Variants in ADGRD1 observed in about 807,000 individuals in gnomAD.
ADGRD1 encodes G-protein coupled receptor 133.
In ADGRD1, 77 loss-of-function variants were observed where a neutral mutation model predicts 113.4. The ratio of observed to expected loss-of-function variants is 0.68; its 90% CI spans 0.57 to 0.82. The LOEUF is 0.82. Ranked by LOEUF, ADGRD1 falls within the 40% of genes least tolerant of loss-of-function variation. ADGRD1 has a pLI of 0.00. For synonymous variants in ADGRD1, 474 were observed against 475.0 expected (o/e 1.00, Z 0.03); for missense variants, 1,036 against 1,139.1 (o/e 0.91, Z 1.30).
intron 12 of ADGRD1, among the ~76,000 whole-genome samples, chr12:131,010,620 G>A (rs1303572336): frequency 2.0e-5 from 3 of 152,238 alleles, no homozygotes; most frequent in African/African-American, 7.2e-5. Flanking sequence ...CGGAGCAGCA[G>A]CGTGGCTTTG....
intron 8 of ADGRD1, among the ~76,000 whole-genome samples, chr12:130,996,700 C>T (rs1167320074): frequency 1.1e-5 from 1 of 89,754 alleles, no homozygotes. Context: ...GCTGGCCGGG[C>T]GGGGGGCTGA....
intron 13 of ADGRD1, among the ~76,000 whole-genome samples, chr12:131,031,242 G>A (rs545961837): frequency 7.2e-5 from 11 of 152,174 alleles, no homozygotes; most frequent in African/African-American, 1.7e-4. Context: ...CTCTGACAGC[G>A]GAGCCCACTC....
chr12:131,097,752 C>G (rs1887392845), intron 15 of ADGRD1, among the ~76,000 whole-genome samples: 1 of 152,200 alleles, frequency 6.6e-6, no homozygotes. Context: ...CAGGAGCCAG[C>G]CTGGCCGGGA....
chr12:131,128,338 C>A (rs67424059), intron 20 of ADGRD1, among the ~76,000 whole-genome samples: 5 of 151,690 alleles, frequency 3.3e-5, no homozygotes, highest in Non-Finnish European at 7.4e-5. Context: ...TCAAGTTGCT[C>A]GAGATCCTCT....
In ADGRD1 at chr12:130,990,946, G is replaced by A. The variant is rs1397318809; in HGVS notation, c.746-68G>A. ...CTGAAGCCAGTACATTTTTAACAAG[G>A]ACAGGTCTTCCTCGTGGTGAAAAAA... is the stretch of plus-strand genomic sequence containing the variant. On this transcript the variant is annotated intron_variant, in intron 6 of 24. Transcript: ENST00000261654. 3 of 1,225,562 alleles carry A rather than the reference G, an allele frequency of 2.4e-6. No individual in the cohort carries two copies. In the East Asian group the frequency reaches 7.0e-5, roughly 29 times the overall value. 75.9% of individuals were successfully genotyped at this position (1,225,562 alleles called of 1,614,324 possible).
At chr12:130,994,317 C>T (rs1316256333) in intron 8 of ADGRD1, 2 of 428,210 alleles carry the variant, frequency 4.7e-6, no homozygotes, top group South Asian at 1.7e-5. Flanking sequence ...AGATGGGCTA[C>T]AAGGGGTGAC....
rs529776803 is a variant in ADGRD1 at position 130,971,354 on chromosome 12, TAATGC to T, written c.188-102_188-98del. The T allele has an allele frequency of 4.0e-5, 26 of 650,832 alleles. No individual in the cohort carries two copies. The highest frequency in any genetic ancestry group is 3.7e-4 in the African/African-American group (20 of 53,918). 40.3% of individuals were successfully genotyped at this position (650,832 alleles called of 1,614,324 possible). A position where few individuals can be genotyped will look rare whatever the true frequency, so the allele number is the denominator to read the frequency against. ...TATAAATATATACTTAGATAAATAA[TAATGC>T]ATACTTACACATAAGTTATTTGTAG... On this transcript the variant is annotated intron_variant, in intron 3 of 24. Transcript: ENST00000261654. This position sits in a 1 kb window ranked among gnomAD's most constrained non-coding sequence, Gnocchi z 4.2.
chr12:130,994,775 C>T (rs777145425), intron 8 of ADGRD1, among the ~76,000 whole-genome samples: 24 of 152,250 alleles, frequency 1.6e-4, no homozygotes, highest in Admixed American at 3.3e-4. Flanking sequence ...GTGCAGCCTC[C>T]GCTCTCTGCC....
At chr12:131,104,786 G>A (rs1434341877) in intron 15 of ADGRD1, 45 bp from the exon 16 acceptor site, 7 of 1,366,706 alleles carry the variant, frequency 5.1e-6, no homozygotes, top group Non-Finnish European at 7.1e-6. Context: ...GGCTCCGATG[G>A]GGTGCCTGGG....
At position 131,113,986 on chromosome 12, in the gene ADGRD1, T is replaced by A. The variant is rs1950404520; in HGVS notation, c.2042-4399T>A. On this transcript the variant is annotated intron_variant, in intron 18 of 24. Coordinates refer to ENST00000261654, the MANE Select transcript of ADGRD1 (RefSeq NM_198827.5). The surrounding 1 kb of genome is among the most constrained non-coding windows in gnomAD (Gnocchi z 4.9). ...TGTAATTTAGAGGCATACGTGCATG[T>A]GTGCACGCACACACACGCACACACA... 6.6e-6 allele frequency among the ~76,000 whole-genome samples: 1 copy of A among 152,120 alleles called. No individual in the cohort carries two copies. Among genetic ancestry groups the A allele is most frequent in the Non-Finnish European group, 1.5e-5 (1 of 68,034 alleles).
chr12:131,071,962 C>T (rs1885215051), intron 13 of ADGRD1, among the ~76,000 whole-genome samples: 1 of 150,680 alleles, frequency 6.6e-6, no homozygotes, highest in Non-Finnish European at 1.5e-5. Flanking sequence ...CCACTGAGAG[C>T]CGCGTGACTG....
At position 130,984,100 on chromosome 12, in the gene ADGRD1, C is replaced by T. The variant is rs189927123; in HGVS notation, c.490+2037C>T. On this transcript the variant is annotated intron_variant, in intron 5 of 24. Coordinates refer to ENST00000261654, the MANE Select transcript of ADGRD1 (RefSeq NM_198827.5). The surrounding 1 kb of genome is among the most constrained non-coding windows in gnomAD (Gnocchi z 4.1). ...TAGAGCACAGGCTGATGCCAATGGC[C>T]TGTGGGCTGAGTTGGGTCCTCAGAT... Among the ~76,000 whole-genome samples, 7 of 152,294 alleles carry T rather than the reference C, an allele frequency of 4.6e-5. No individual in the cohort carries two copies. Among genetic ancestry groups the T allele is most frequent in the Admixed American group, 1.3e-4 (2 of 15,300 alleles).
At chr12:131,077,152 T>C (rs1383159075) in intron 14 of ADGRD1, among the ~76,000 whole-genome samples, 1 of 152,130 alleles carries the variant, frequency 6.6e-6, no homozygotes, top group Non-Finnish European at 1.5e-5. Context: ...GTGCAGCAGA[T>C]GCTCGGGGGA....
intron 13 of ADGRD1, chr12:131,069,423 T>C (rs1049504273): frequency 6.6e-6 from 1 of 152,224 alleles, no homozygotes; most frequent in African/African-American, 2.4e-5. Flanking sequence ...GCTTCGTGGC[T>C]TCATTTGTAA....
chr12:130,960,715 G>A (rs1190973897), intron 2 of ADGRD1, among the ~76,000 whole-genome samples: 1 of 151,974 alleles, frequency 6.6e-6, no homozygotes, highest in Non-Finnish European at 1.5e-5. Context: ...CTTAGACATG[G>A]AGGATACAAT....
chr12:131,053,200 C>G (rs949201903), intron 13 of ADGRD1, among the ~76,000 whole-genome samples: 4 of 152,238 alleles, frequency 2.6e-5, no homozygotes, highest in Admixed American at 2.6e-4. Flanking sequence ...ACAGTGCCCA[C>G]AGAGTCACTG....
At chr12:131,078,361 A>G (rs917350435) in intron 14 of ADGRD1, among the ~76,000 whole-genome samples, 3 of 152,170 alleles carry the variant, frequency 2.0e-5, no homozygotes, top group Non-Finnish European at 4.4e-5. Flanking sequence ...GCGTCTGGCT[A>G]TGACCGTTGG....
intron 8 of ADGRD1, 34 bp downstream of exon 8, chr12:130,992,426 G>A (rs571320526): frequency 1.5e-5 from 24 of 1,583,748 alleles, no homozygotes; most frequent in South Asian, 9.1e-5. Context: ...CTGGTGGACC[G>A]GGCGTGGCAC....
chr12:130,999,358 G>A (rs529844433), intron 8 of ADGRD1, among the ~76,000 whole-genome samples: 2 of 152,318 alleles, frequency 1.3e-5, no homozygotes, highest in Admixed American at 1.3e-4. Context: ...GAAGTTTGCT[G>A]CCCCTGCTCC....
Sources: gnomAD v4.1 joint callset for allele counts (sites outside exome capture counted in the v4.1 genomes callset) on GRCh38, gnomAD v4.1.1 for gene constraint, Gnocchi (gnomAD v3.1) non-coding constraint, MANE v1.5 for transcripts, NCBI Gene and HGNC (gene_info 2026-07-23, HGNC 2026-07-21) for gene names.